Variants in SGCD observed in about 807,000 individuals in gnomAD.
SGCD encodes the protein delta-sarcoglycan.
A neutral mutation model predicts 36.6 loss-of-function variants in SGCD; 18 were observed. The ratio of observed to expected loss-of-function variants is 0.49; its 90% CI spans 0.34 to 0.73. SGCD has a LOEUF of 0.73. Among genes scored for constraint, SGCD ranks in the 30% least tolerant of loss-of-function variants. The probability of loss-of-function intolerance (pLI) is 0.01; values close to 1 mark genes in which losing one functional copy is unlikely to be tolerated. For missense variants in SGCD, 387 were observed against 346.7 expected, an observed-to-expected ratio of 1.12 and a Z score of -0.92; for synonymous variants, 133 against 130.6, an observed-to-expected ratio of 1.02 and a Z score of -0.12.
intron 4 of SGCD, among the ~76,000 whole-genome samples, chr5:156,513,197 T>A (rs1393448379): frequency 6.6e-6 from 1 of 152,208 alleles, no homozygotes; most frequent in African/African-American, 2.4e-5. Flanking sequence ...CTTGCCTCTC[T>A]TTAAGCACAG....
At chr5:156,331,919 T>C (rs920051308) in intron 2 of SGCD, among the ~76,000 whole-genome samples, 1 of 152,212 alleles carries the variant, frequency 6.6e-6, no homozygotes, top group Non-Finnish European at 1.5e-5. Flanking sequence ...TATGGTTGAC[T>C]TCTCTCCTCT....
intron 4 of SGCD, among the ~76,000 whole-genome samples, chr5:156,579,875 A>T (rs987062988): frequency 2.4e-4 from 36 of 152,270 alleles, no homozygotes; most frequent in African/African-American, 8.2e-4. Context: ...CCAATTTGCC[A>T]GTCTGTGTCT....
chr5:156,721,265 C>G (rs1755487359), intron 7 of SGCD, among the ~76,000 whole-genome samples: 1 of 151,942 alleles, frequency 6.6e-6, no homozygotes, highest in Non-Finnish European at 1.5e-5. Flanking sequence ...AGATGGTAAC[C>G]AGGCCAGGAT....
At chr5:156,366,290 T>G (rs1229726637) in intron 3 of SGCD, among the ~76,000 whole-genome samples, 2 of 152,036 alleles carry the variant, frequency 1.3e-5, no homozygotes, top group Admixed American at 6.6e-5. Context: ...AATTCACAAA[T>G]CAGAAGAAAG....
At chr5:156,741,464 A>G (rs1402859288) in intron 7 of SGCD, among the ~76,000 whole-genome samples, 2 of 152,200 alleles carry the variant, frequency 1.3e-5, no homozygotes, top group Non-Finnish European at 2.9e-5. Context: ...TCACAGGTAC[A>G]TTAAGTGGAA....
intron 3 of SGCD, among the ~76,000 whole-genome samples, chr5:156,205,182 T>C (rs1473552223): frequency 6.6e-6 from 1 of 152,034 alleles, no homozygotes; most frequent in African/African-American, 2.4e-5. Flanking sequence ...TTCCTCTGCT[T>C]ATCTGGTCAC....
upstream of SGCD, among the ~76,000 whole-genome samples, chr5:155,869,806 C>A (rs547949733): frequency 1.1e-4 from 16 of 152,248 alleles, no homozygotes; most frequent in Middle Eastern, 3.4e-3. Flanking sequence ...CGAGACCAGC[C>A]TGACCAACAT....
chr5:155,927,317 T>C (rs574377143), intron 1 of SGCD, among the ~76,000 whole-genome samples: 14 of 152,322 alleles, frequency 9.2e-5, no homozygotes, highest in Non-Finnish European at 1.9e-4. Context: ...TGGAATGTGA[T>C]AGTGATTATA....
chr5:156,757,115 T>C (rs909792220), intron 7 of SGCD, among the ~76,000 whole-genome samples: 2 of 151,942 alleles, frequency 1.3e-5, no homozygotes, highest in Non-Finnish European at 2.9e-5. Context: ...CCCCATGGCT[T>C]CACTCCAAGC....
At chr5:155,891,869 T>C (rs1454500318) in intron 1 of SGCD, among the ~76,000 whole-genome samples, 1 of 152,000 alleles carries the variant, frequency 6.6e-6, no homozygotes, top group African/African-American at 2.4e-5. Flanking sequence ...GCTGTGAAAA[T>C]GTGGCAGCAG....
intron 4 of SGCD, among the ~76,000 whole-genome samples, chr5:156,532,701 T>C (rs1159103720): frequency 1.3e-5 from 2 of 152,182 alleles, no homozygotes; most frequent in Admixed American, 6.5e-5. Context: ...GACCTCATGA[T>C]CTGCCCACCT....
chr5:155,857,961 A>T, the SGCD span, among the ~76,000 whole-genome samples: 139 of 152,076 alleles, frequency 9.1e-4, no homozygotes, highest in African/African-American at 3.2e-3. Flanking sequence ...GTTCTTTGTT[A>T]TTCTTTTTCT....
In SGCD at chr5:156,527,090, C is replaced by T. The variant is rs141313048; in HGVS notation, c.294+18388C>T. On this transcript the variant is annotated intron_variant, in intron 4 of 8. Coordinates refer to ENST00000337851, the MANE Select transcript of SGCD (RefSeq NM_000337.6). ...TTCTTCCTCATTGCCTATCATGGTA[C>T]AGAAGGGTCCATCATTAGAATCTCT... is the stretch of plus-strand genomic sequence containing the variant. Among the ~76,000 whole-genome samples, 296 of 152,272 alleles carry T rather than the reference C, an allele frequency of 1.9e-3. 1 individual carries two copies. The highest frequency in any genetic ancestry group is 6.8e-3 in the African/African-American group (284 of 41,552).
At chr5:156,236,865 G>C (rs1395140121) in intron 3 of SGCD, among the ~76,000 whole-genome samples, 1 of 147,794 alleles carries the variant, frequency 6.8e-6, no homozygotes, top group African/African-American at 2.5e-5. Context: ...AGATAGTCTT[G>C]CTCTGTTGCC....
At chr5:156,469,614 G>A (rs538078267) in intron 3 of SGCD, among the ~76,000 whole-genome samples, 7 of 152,250 alleles carry the variant, frequency 4.6e-5, no homozygotes, top group African/African-American at 7.2e-5. Flanking sequence ...TAGCTAATAC[G>A]CATTTATCTT....
At chr5:156,595,128 A>G in intron 6 of SGCD, 77 bp downstream of exon 6, 1 of 1,492,060 alleles carries the variant, frequency 6.7e-7, no homozygotes. Flanking sequence ...GGTGTTATGA[A>G]CAGGATATGT....
At chr5:155,819,390 C>T in the SGCD span, among the ~76,000 whole-genome samples, 1 of 151,996 alleles carries the variant, frequency 6.6e-6, no homozygotes, top group African/African-American at 2.4e-5. Flanking sequence ...ATTATATTAA[C>T]GATCTCTCAC....
intron 3 of SGCD, among the ~76,000 whole-genome samples, chr5:156,312,103 A>C (rs964786979): frequency 3.3e-5 from 5 of 152,216 alleles, no homozygotes; most frequent in African/African-American, 9.6e-5. Context: ...GGAAATTTGC[A>C]CTTGTTGCAT....
rs374719915 is a variant in SGCD at position 156,539,258 on chromosome 5, A to C, written c.294+30556A>C. On this transcript the variant is annotated intron_variant, in intron 4 of 8. Coordinates refer to ENST00000337851, the MANE Select transcript of SGCD (RefSeq NM_000337.6). The stretch of plus-strand genomic sequence containing the variant: ...CACATACACACAAAATTTTATATAT[A>C]TATAATTTTTATTATTTCAATAGTT... Among the ~76,000 whole-genome samples, 3 of 151,968 alleles carry C rather than the reference A, an allele frequency of 2.0e-5. No homozygotes were observed. The South Asian group carries it at 6.2e-4, about 32-fold the overall frequency.
Sources: gnomAD v4.1 joint callset for allele counts (sites outside exome capture counted in the v4.1 genomes callset) on GRCh38, gnomAD v4.1.1 for gene constraint, MANE v1.5 for transcripts, NCBI Gene and HGNC (gene_info 2026-07-23, HGNC 2026-07-21) for gene names.